Variants in RNF11 observed in about 807,000 individuals in gnomAD.
The protein encoded by RNF11 is ring finger protein 11.
In RNF11, 4 loss-of-function variants were observed where a neutral mutation model predicts 15.8. The observed-to-expected ratio is 0.25, with a 90% CI of 0.12 to 0.58. The LOEUF is 0.58. Among genes scored for constraint, RNF11 ranks in the 20% least tolerant of loss-of-function variants. RNF11 has a pLI of 0.91. For missense variants in RNF11, 139 were observed against 194.4 expected, an observed-to-expected ratio of 0.71 and a Z score of 1.70; for synonymous variants, 68 against 72.3, an observed-to-expected ratio of 0.94 and a Z score of 0.30.
chr1:51,262,574 G>A (rs1157388239), intron 1 of RNF11, among the ~76,000 whole-genome samples: 1 of 152,104 alleles, frequency 6.6e-6, no homozygotes, highest in Non-Finnish European at 1.5e-5. Flanking sequence ...TTGAGACAGA[G>A]TCTCCCTCTG....
intron 1 of RNF11, among the ~76,000 whole-genome samples, chr1:51,239,052 C>G (rs1031944945): frequency 1.3e-5 from 2 of 152,010 alleles, no homozygotes; most frequent in Non-Finnish European, 2.9e-5. Flanking sequence ...TTTAAAATCT[C>G]TTATGCTCCC....
At chr1:51,238,215 T>C (rs781291203) in intron 1 of RNF11, among the ~76,000 whole-genome samples, 14 of 152,246 alleles carry the variant, frequency 9.2e-5, no homozygotes, top group Admixed American at 9.2e-4. Context: ...CTTTCATGTC[T>C]GAAGTCCCAG....
intron 1 of RNF11, among the ~76,000 whole-genome samples, chr1:51,266,325 G>A (rs1188658643): frequency 6.6e-6 from 1 of 152,142 alleles, no homozygotes; most frequent in East Asian, 1.9e-4. Flanking sequence ...TTTCACTTGG[G>A]AGAATGTTGG....
rs1646986012 is a variant in RNF11 at position 51,272,781 on chromosome 1, A to C, written c.*1459A>C. On this transcript the variant is annotated 3_prime_UTR_variant, in exon 3 of 3. Transcript: ENST00000242719. ...CAACCTAACATCAGAAGTGTTTCTT[A>C]TTATTATTTTATATTGAGTTGAATA... The C allele has an allele frequency of 6.6e-6, 1 of 152,152 alleles. No individual in the cohort carries two copies. Among genetic ancestry groups the C allele is most frequent in the Non-Finnish European group, 1.5e-5 (1 of 67,972 alleles). 9.4% of individuals were successfully genotyped at this position (152,152 alleles called of 1,614,324 possible). A position where few individuals can be genotyped will look rare whatever the true frequency, so the allele number is the denominator to read the frequency against.
At chr1:51,251,315 G>C in intron 1 of RNF11, 1 of 1,515,968 alleles carries the variant, frequency 6.6e-7, no homozygotes, top group South Asian at 1.1e-5. Flanking sequence ...CCTTATCCTC[G>C]GCCTTGCCTC....
chr1:51,262,632 C>A (rs1280656046), intron 1 of RNF11, among the ~76,000 whole-genome samples: 2 of 151,876 alleles, frequency 1.3e-5, no homozygotes, highest in African/African-American at 4.8e-5. Flanking sequence ...ATTGCAATGC[C>A]ACCTCCCAGG....
intron 1 of RNF11, among the ~76,000 whole-genome samples, chr1:51,252,860 T>C (rs1429709039): frequency 6.7e-6 from 1 of 149,552 alleles, no homozygotes; most frequent in Non-Finnish European, 1.5e-5. Context: ...AGAGTCTTGC[T>C]CTGTTGCCCA....
chr1:51,237,329 G>C (rs982908670), intron 1 of RNF11, among the ~76,000 whole-genome samples: 1 of 151,014 alleles, frequency 6.6e-6, no homozygotes, highest in Non-Finnish European at 1.5e-5. Flanking sequence ...TCGTCTTTTT[G>C]TTAATTGGAT....
intron 1 of RNF11, among the ~76,000 whole-genome samples, chr1:51,264,317 T>TATATATATATATATAC (rs376694497): frequency 2.6e-5 from 2 of 75,524 alleles, no homozygotes; most frequent in Non-Finnish European, 4.8e-5. Context: ...TATATATATA[T>TATATATATATATATAC]ACACACACAC....
chr1:51,248,767 T>TA (rs1646864130), intron 1 of RNF11, among the ~76,000 whole-genome samples: 1 of 152,152 alleles, frequency 6.6e-6, no homozygotes, highest in Admixed American at 6.6e-5. Flanking sequence ...AACTTGAGTA[T>TA]AAAAAATGAA....
At chr1:51,269,564 A>T (rs996748384) in intron 1 of RNF11, among the ~76,000 whole-genome samples, 2 of 152,188 alleles carry the variant, frequency 1.3e-5, no homozygotes, top group Admixed American at 1.3e-4. Context: ...GGTCCTATGA[A>T]ATGGGAAAGT....
chr1:51,243,870 A>G (rs1024231242), intron 1 of RNF11, among the ~76,000 whole-genome samples: 12 of 152,314 alleles, frequency 7.9e-5, no homozygotes, highest in South Asian at 2.1e-4. Context: ...TGTATACTCC[A>G]GTCATACTGA....
intron 1 of RNF11, among the ~76,000 whole-genome samples, chr1:51,258,963 A>G (rs532878377): frequency 2.0e-4 from 30 of 152,146 alleles, no homozygotes; most frequent in Non-Finnish European, 3.2e-4. Flanking sequence ...TCATGTGACA[A>G]CTGGAGGCCT....
intron 1 of RNF11, among the ~76,000 whole-genome samples, chr1:51,243,204 T>C (rs1425012032): frequency 4.6e-5 from 7 of 152,216 alleles, no homozygotes; most frequent in Non-Finnish European, 1.0e-4. Context: ...TTGTAAGATA[T>C]CTTAGTGGAG....
At chr1:51,251,437 C>A in intron 1 of RNF11, 1 of 896,618 alleles carries the variant, frequency 1.1e-6, no homozygotes, top group Non-Finnish European at 1.7e-6. Flanking sequence ...CCAGGGCCTC[C>A]GGGCCCCCCC....
intron 2 of RNF11, among the ~76,000 whole-genome samples, 165 bp downstream of exon 2, chr1:51,270,290 A>G (rs1184850148): frequency 6.6e-6 from 1 of 152,178 alleles, no homozygotes; most frequent in African/African-American, 2.4e-5. Context: ...ATTACTGGCT[A>G]CTAGCAAGAG....
At chr1:51,249,285 T>C (rs1031107135) in intron 1 of RNF11, among the ~76,000 whole-genome samples, 15 of 152,204 alleles carry the variant, frequency 9.9e-5, no homozygotes, top group African/African-American at 3.6e-4. Context: ...GGTCGATTGA[T>C]TGAGATAGGG....
At chr1:51,255,797 C>CA (rs1646901903) in intron 1 of RNF11, among the ~76,000 whole-genome samples, 1 of 152,162 alleles carries the variant, frequency 6.6e-6, no homozygotes, top group Non-Finnish European at 1.5e-5. Context: ...TATGAGAGTA[C>CA]ATCTCTGGAC....
intron 1 of RNF11, among the ~76,000 whole-genome samples, chr1:51,257,084 T>C (rs1198294407): frequency 6.6e-6 from 1 of 152,158 alleles, no homozygotes; most frequent in African/African-American, 2.4e-5. Context: ...TTCTGATAGG[T>C]GTGTGTGGTA....
Sources: allele counts gnomAD v4.1 joint callset (sites outside exome capture counted in the v4.1 genomes callset), GRCh38; gene constraint gnomAD v4.1.1; transcripts MANE v1.5; gene names NCBI Gene and HGNC (gene_info 2026-07-23, HGNC 2026-07-21).